The following CFAP91 variants were observed in gnomAD, a reference collection of about 807,000 sequenced individuals.
CFAP91 encodes the protein cilia- and flagella-associated protein 91.
A neutral mutation model predicts 95.9 loss-of-function variants in CFAP91; 85 were observed. The ratio of observed to expected loss-of-function variants is 0.89; its 90% CI spans 0.74 to 1.06. The LOEUF is 1.06. Ranked by LOEUF, CFAP91 falls within the 50% of genes least tolerant of loss-of-function variation. The pLI is 0.00. For missense variants in CFAP91, 962 were observed against 943.4 expected (o/e 1.02, Z -0.26); for synonymous variants, 335 against 327.5 (o/e 1.02, Z -0.25).
chr3:119,720,551 G>A (rs1485178728), intron 6 of CFAP91, among the ~76,000 whole-genome samples: 2 of 152,060 alleles, frequency 1.3e-5, no homozygotes, highest in Non-Finnish European at 2.9e-5. Flanking sequence ...TCTTTTAAGA[G>A]CACCAGGCCT....
chr3:119,705,279 C>G (rs913633427), intron 1 of CFAP91, among the ~76,000 whole-genome samples: 9 of 152,192 alleles, frequency 5.9e-5, no homozygotes, highest in African/African-American at 2.2e-4. Flanking sequence ...AATTGACTGG[C>G]CTTGGGCCAG....
chr3:119,743,077 C>G (rs2054150512), intron 13 of CFAP91, among the ~76,000 whole-genome samples: 1 of 151,696 alleles, frequency 6.6e-6, no homozygotes, highest in African/African-American at 2.4e-5. Flanking sequence ...GCAGAGAGCA[C>G]AATGGGTCCC....
intron 17 of CFAP91, among the ~76,000 whole-genome samples, chr3:119,758,834 C>T (rs528897667): frequency 1.3e-5 from 2 of 152,128 alleles, no homozygotes; most frequent in African/African-American, 2.4e-5. Flanking sequence ...AATTACACAT[C>T]ACTATTAATA....
intron 6 of CFAP91, among the ~76,000 whole-genome samples, chr3:119,721,280 G>A (rs1356898418): frequency 6.6e-6 from 1 of 152,206 alleles, no homozygotes; most frequent in Non-Finnish European, 1.5e-5. Context: ...ATAGCATGCA[G>A]TGCTCATTTA....
chr3:119,747,825 A>C lies in CFAP91; in HGVS notation c.2066A>C (p.Gln689Pro). ...ATATTTTTTAGCCGAACCTATCTTC[A>C]GTCAGAGGAGATTGTTGCTGAGTTG... ...YEMESRRTYL[Q>P]SEEIVAELVY... Residue 689 changes from glutamine to proline, a missense_variant, in exon 16 of 18, where the codon CAG (glutamine) becomes CCG (proline). Transcript: ENST00000273390. The C allele has an allele frequency of 6.2e-7, 1 of 1,612,968 alleles. No individual in the cohort carries two copies. The highest frequency in any genetic ancestry group is 8.5e-7 in the Non-Finnish European group (1 of 1,179,530).
chr3:119,715,184 T>C (rs1380835640), intron 5 of CFAP91, among the ~76,000 whole-genome samples: 1 of 151,798 alleles, frequency 6.6e-6, no homozygotes, highest in African/African-American at 2.4e-5. Flanking sequence ...AAACAGAGAG[T>C]GGTATGGAAC....
At chr3:119,707,271 A>G (rs1285887545) in intron 2 of CFAP91, 133 bp from the exon 3 acceptor site, 4 of 655,182 alleles carry the variant, frequency 6.1e-6, no homozygotes, top group Admixed American at 2.9e-5. Context: ...TTTTACGCAT[A>G]CAGCAATAAC....
intron 17 of CFAP91, among the ~76,000 whole-genome samples, chr3:119,758,167 C>G (rs1460963128): frequency 6.6e-6 from 1 of 152,034 alleles, no homozygotes; most frequent in Non-Finnish European, 1.5e-5. Context: ...TGACTTTTTT[C>G]CAGCTCAGGG....
At position 119,730,213 on chromosome 3, in the gene CFAP91, C is replaced by T. The variant is rs574107929; in HGVS notation, c.861-7C>T. 1 of 1,609,992 alleles carries T rather than the reference C, an allele frequency of 6.2e-7. No individual in the cohort carries two copies. Among genetic ancestry groups the T allele is most frequent in the South Asian group, 1.1e-5 (1 of 90,362 alleles). ...ATGCTTCTTTATGTTTTGTAATTTA[C>T]TTGAAGACTGCAGGAGATTCGCCTG... On this transcript the variant is annotated splice_polypyrimidine_tract_variant and splice_region_variant and intron_variant, in intron 7 of 17. Coordinates refer to ENST00000273390, the MANE Select transcript of CFAP91 (RefSeq NM_033364.4).
chr3:119,710,157 T>C (rs948735311), intron 5 of CFAP91: 7 of 423,486 alleles, frequency 1.7e-5, no homozygotes, highest in Non-Finnish European at 3.0e-5. Context: ...TGCATATGTT[T>C]ATATGTATAT....
chr3:119,735,750 T>A (rs186998370), intron 10 of CFAP91, among the ~76,000 whole-genome samples: 171 of 152,338 alleles, frequency 1.1e-3, no homozygotes, highest in African/African-American at 3.5e-3. Flanking sequence ...CAACTCCTTC[T>A]TCCCTTCCCT....
At position 119,747,802 on chromosome 3, in the gene CFAP91, AT is replaced by A. The variant is rs2054253249; in HGVS notation, c.2052-3del. 3 of 1,609,638 alleles carry A rather than the reference AT, an allele frequency of 1.9e-6. No homozygotes were observed. Among genetic ancestry groups the A allele is most frequent in the African/African-American group, 1.3e-5 (1 of 74,794 alleles). On this transcript the variant is annotated splice_region_variant and splice_polypyrimidine_tract_variant and intron_variant, in intron 15 of 17. Transcript: ENST00000273390. ...AAAGAAATAATTCAATTTGTTTTAT[AT>A]TTTTTAGCCGAACCTATCTTCAGTC...
At chr3:119,745,768 G>A (rs539923225) in intron 14 of CFAP91, among the ~76,000 whole-genome samples, 1 of 152,238 alleles carries the variant, frequency 6.6e-6, no homozygotes, top group South Asian at 2.1e-4. Context: ...GATATATTTT[G>A]GTTGGTTAGT....
intron 5 of CFAP91, chr3:119,715,255 T>C: frequency 4.4e-6 from 2 of 456,526 alleles, no homozygotes; most frequent in East Asian, 9.3e-5. Flanking sequence ...AGAAGTGCTG[T>C]ACAGCATTCT....
Position 119,713,598 on chromosome 3 carries a change from G to A in CFAP91, c.501-1964G>A, listed in dbSNP as rs1362996905. 9.9e-5 allele frequency among the ~76,000 whole-genome samples: 15 copies of A among 151,474 alleles called. No individual in the cohort carries two copies. The Admixed American group carries it at 9.9e-4, about 10-fold the overall frequency. On this transcript the variant is annotated intron_variant, in intron 5 of 17. Transcript: ENST00000273390. ...GAAAAAAATGCCTTAAGTCAAAGTGGCTATATTGGTTTTTTTCTTATTCTA... is the reference window on the plus strand; with the variant it reads ...GAAAAAAATGCCTTAAGTCAAAGTGACTATATTGGTTTTTTTCTTATTCTA...
Position 119,707,559 on chromosome 3 carries a change from C to T in CFAP91, c.357C>T (p.Thr119=). The T allele has an allele frequency of 6.4e-7, 1 of 1,562,530 alleles. No homozygotes were observed. The highest frequency in any genetic ancestry group is 8.7e-7 in the Non-Finnish European group (1 of 1,145,372). The part of the protein sequence containing the change: ...EKHREALRQL[T]TTDASFQMPK... Reference sequence around the variant, plus strand: ...ACAGAGAAGCCCTCCGGCAGCTCACCACGTAAGTGTCGGGTGGCTCCAGGG... The same window carrying T: ...ACAGAGAAGCCCTCCGGCAGCTCACTACGTAAGTGTCGGGTGGCTCCAGGG... Residue 119 remains threonine, a splice_region_variant and synonymous_variant, in exon 3 of 18, where the codon ACC becomes ACT. Coordinates refer to ENST00000273390, the MANE Select transcript of CFAP91 (RefSeq NM_033364.4).
At chr3:119,733,273 G>A in intron 9 of CFAP91, 91 bp from the exon 10 acceptor site, 1 of 1,362,464 alleles carries the variant, frequency 7.3e-7, no homozygotes, top group African/African-American at 1.5e-5. Context: ...TAATGAAACT[G>A]CTTGGCAAAC....
intron 17 of CFAP91, among the ~76,000 whole-genome samples, chr3:119,754,321 C>A (rs750009129): frequency 3.9e-5 from 6 of 152,192 alleles, no homozygotes; most frequent in Non-Finnish European, 8.8e-5. Context: ...GTTAAAGGAG[C>A]AACTTGGTTC....
At chr3:119,761,846 A>G (rs1021279564) in intron 17 of CFAP91, among the ~76,000 whole-genome samples, 1 of 152,014 alleles carries the variant, frequency 6.6e-6, no homozygotes, top group African/African-American at 2.4e-5. Flanking sequence ...ACCTCAACAT[A>G]GTAAAGTCCA....
Sources: allele counts gnomAD v4.1 joint callset (sites outside exome capture counted in the v4.1 genomes callset), GRCh38; gene constraint gnomAD v4.1.1; transcripts MANE v1.5; gene names NCBI Gene and HGNC (gene_info 2026-07-23, HGNC 2026-07-21).